The following METAP2 variants were observed in gnomAD, a reference collection of about 807,000 sequenced individuals.
The protein encoded by METAP2 is methionine aminopeptidase 2.
In METAP2, 25 loss-of-function variants were observed where a neutral mutation model predicts 59.4. The ratio of observed to expected loss-of-function variants is 0.42; its 90% CI spans 0.31 to 0.59. METAP2 has a LOEUF of 0.59. Ranked by LOEUF, METAP2 falls within the 20% of genes least tolerant of loss-of-function variation. METAP2 has a pLI of 0.16. For missense variants in METAP2, 366 were observed against 581.2 expected, an observed-to-expected ratio of 0.63 and a Z score of 3.81; for synonymous variants, 214 against 194.1, an observed-to-expected ratio of 1.10 and a Z score of -0.85.
chr12:95,486,643 A>T (rs375955756), intron 4 of METAP2, among the ~76,000 whole-genome samples: 2 of 151,914 alleles, frequency 1.3e-5, no homozygotes, highest in Non-Finnish European at 2.9e-5. Context: ...GATTACACGC[A>T]TGCACCACCA....
At position 95,513,716 on chromosome 12, in the gene METAP2, C is replaced by T; in HGVS notation, c.1249C>T (p.Arg417Cys). 1.2e-6 allele frequency: 2 copies of T among 1,614,108 alleles called. No homozygotes were observed. Among genetic ancestry groups the T allele is most frequent in the Non-Finnish European group, 8.5e-7 (1 of 1,179,980 alleles). ...AAACTTTGGAACCCTTGCCTTCTGCCGCAGATGGCTGGATCGCTTGGGAGA... is the reference window on the plus strand; with the variant it reads ...AAACTTTGGAACCCTTGCCTTCTGCTGCAGATGGCTGGATCGCTTGGGAGA... ...NENFGTLAFC[R>C]RWLDRLGESK... is the part of the protein sequence containing the mutation. Residue 417 changes from arginine (R) to cysteine (C), a missense_variant, in exon 11 of 11, where the codon CGC becomes TGC. Arg to Cys is a radical substitution (Grantham distance 180). Coordinates refer to ENST00000323666, the MANE Select transcript of METAP2 (RefSeq NM_006838.4).
At chr12:95,486,215 A>T (rs901220330) in intron 4 of METAP2, among the ~76,000 whole-genome samples, 1 of 152,230 alleles carries the variant, frequency 6.6e-6, no homozygotes, top group Non-Finnish European at 1.5e-5. Context: ...ATTCTTGTAG[A>T]TAAAGGTTAA....
At chr12:95,503,464 C>T (rs1457975730) in intron 7 of METAP2, among the ~76,000 whole-genome samples, 1 of 152,092 alleles carries the variant, frequency 6.6e-6, no homozygotes, top group Non-Finnish European at 1.5e-5. Context: ...GAAAGGGGTG[C>T]TCACCATTTA....
Position 95,485,883 on chromosome 12 carries a change from A to C in METAP2, c.330A>C (p.Lys110Asn), listed in dbSNP as rs2076192872. The C allele has an allele frequency of 1.3e-6, 2 of 1,553,436 alleles. No individual in the cohort carries two copies. The highest frequency in any genetic ancestry group is 2.8e-5 in the African/African-American group (2 of 71,450). Reference sequence around the variant, plus strand: ...TGCTTTATTTGTATCTCACAGCAAAAGTTCAAACAGACCCTCCCTCAGTTC... The same window carrying C: ...TGCTTTATTTGTATCTCACAGCAAACGTTCAAACAGACCCTCCCTCAGTTC... ...KKKKKKKRGP[K>N]VQTDPPSVPI... The change falls in exon 4 of 11, where the codon AAA (lysine) becomes AAC (asparagine). Residue 110 changes from lysine to asparagine, a missense_variant. Physicochemically the swap from Lys to Asn is moderately conservative, Grantham distance 94. Around this residue, in one of 4 missense-constraint regions of METAP2, gnomAD observed 177 missense variants for 180.3 expected, o/e 0.98. Coordinates refer to ENST00000323666, the MANE Select transcript of METAP2 (RefSeq NM_006838.4).
At chr12:95,506,268 A>G (rs1275471280) in intron 8 of METAP2, among the ~76,000 whole-genome samples, 1 of 150,072 alleles carries the variant, frequency 6.7e-6, no homozygotes, top group African/African-American at 2.4e-5. Flanking sequence ...TTTTTAAAAA[A>G]TATTTATTTT....
At chr12:95,493,395 G>T (rs927471629) in intron 4 of METAP2, among the ~76,000 whole-genome samples, 3 of 152,188 alleles carry the variant, frequency 2.0e-5, no homozygotes, top group African/African-American at 7.2e-5. Context: ...GAGGCAGGAA[G>T]AACCTAGGAG....
intron 8 of METAP2, 82 bp downstream of exon 8, chr12:95,504,243 A>T (rs781590680): frequency 6.7e-6 from 6 of 890,876 alleles, no homozygotes; most frequent in Non-Finnish European, 1.1e-5. Context: ...CAGCTGCTTC[A>T]TGTTTCTATC....
intron 3 of METAP2, 50 bp from the exon 4 acceptor site, chr12:95,485,829 T>A (rs747625125): frequency 8.0e-7 from 1 of 1,254,676 alleles, no homozygotes; most frequent in Non-Finnish European, 1.1e-6. Flanking sequence ...TAATAACTGC[T>A]TAATTTTATT....
intron 8 of METAP2, among the ~76,000 whole-genome samples, chr12:95,509,649 A>T (rs549602920): frequency 1.1e-4 from 16 of 152,258 alleles, no homozygotes; most frequent in African/African-American, 3.9e-4. Context: ...GCTCTGTTTG[A>T]GTCTGACAAC....
chr12:95,493,367 C>T (rs2076253690), intron 4 of METAP2, among the ~76,000 whole-genome samples: 1 of 152,032 alleles, frequency 6.6e-6, no homozygotes, highest in Non-Finnish European at 1.5e-5. Flanking sequence ...CTGTATACTC[C>T]CAGCTGCTTG....
chr12:95,513,132 C>CACAA (rs1491107316), intron 10 of METAP2, among the ~76,000 whole-genome samples: 2 of 147,900 alleles, frequency 1.4e-5, no homozygotes, highest in Non-Finnish European at 3.0e-5. Context: ...CACACACACA[C>CACAA]AAGTGCTCTC....
At chr12:95,513,132 CAA>C (rs1491119499) in intron 10 of METAP2, among the ~76,000 whole-genome samples, 3 of 147,900 alleles carry the variant, frequency 2.0e-5, no homozygotes, top group Non-Finnish European at 3.0e-5. Flanking sequence ...CACACACACA[CAA>C]GTGCTCTCTT....
chr12:95,476,225 A>C (rs780346473), intron 2 of METAP2, 47 bp downstream of exon 2: 2 of 1,332,462 alleles, frequency 1.5e-6, no homozygotes, highest in East Asian at 2.4e-5. Context: ...TAGAAAATGT[A>C]GCCGGGTGTG....
chr12:95,511,761 C>G, intron 8 of METAP2, 134 bp from the exon 9 acceptor site: 1 of 593,234 alleles, frequency 1.7e-6, no homozygotes, highest in Non-Finnish European at 2.9e-6. Context: ...ATTAAACTAC[C>G]TTAATGTAAG....
Position 95,474,349 on chromosome 12 carries a change from T to A in METAP2, c.151+19T>A. The A allele has an allele frequency of 6.2e-7, 1 of 1,612,462 alleles. No individual in the cohort carries two copies. Among genetic ancestry groups the A allele is most frequent in the Non-Finnish European group, 8.5e-7 (1 of 1,179,186 alleles). On this transcript the variant is annotated intron_variant, in intron 1 of 10. Coordinates refer to ENST00000323666, the MANE Select transcript of METAP2 (RefSeq NM_006838.4). ...TCTGCAGGTAAAGAGAGTTTTATGT[T>A]TTCCCAGTCCCCTCCGGGAACGGCT...
rs376271074 is a variant in METAP2 at position 95,502,421 on chromosome 12, A to C, written c.868-1644A>C. Among the ~76,000 whole-genome samples the C allele has an allele frequency of 8.5e-5, 13 of 152,254 alleles. No homozygotes were observed. In the East Asian group the frequency reaches 2.3e-3, roughly 27 times the overall value. ...TGCACTGCTGCCTTCTAGCCTTCAA[A>C]GTTTCTAGTTTGAAATGTGCTTGAA... On this transcript the variant is annotated intron_variant, in intron 7 of 10. Coordinates refer to ENST00000323666, the MANE Select transcript of METAP2 (RefSeq NM_006838.4).
chr12:95,478,526 G>C (rs1594409819), intron 2 of METAP2, among the ~76,000 whole-genome samples: 3 of 152,180 alleles, frequency 2.0e-5, no homozygotes, highest in Admixed American at 1.3e-4. Context: ...CAGCTACTCG[G>C]GAGGCTGAGG....
chr12:95,494,879 C>A, intron 5 of METAP2, 78 bp from the exon 6 acceptor site: 1 of 1,181,262 alleles, frequency 8.5e-7, no homozygotes, highest in Non-Finnish European at 1.2e-6. Flanking sequence ...ACTTTCTGGA[C>A]TTGATGAACT....
intron 4 of METAP2, among the ~76,000 whole-genome samples, chr12:95,487,756 C>A (rs574165039): frequency 6.6e-6 from 1 of 152,226 alleles, no homozygotes; most frequent in East Asian, 1.9e-4. Context: ...AAAATGGAAT[C>A]ATAGGCACAC....
Sources: gnomAD v4.1 joint callset for allele counts (sites outside exome capture counted in the v4.1 genomes callset) on GRCh38, gnomAD v4.1.1 for gene constraint, gnomAD v4.1.1 regional missense constraint, MANE v1.5 for transcripts, NCBI Gene and HGNC (gene_info 2026-07-23, HGNC 2026-07-21) for gene names.